Variants in ZNF423 observed in about 807,000 individuals in gnomAD.
ZNF423 encodes zinc finger protein 423, also known as Ebf-associated zinc finger protein.
A neutral mutation model predicts 95.8 loss-of-function variants in ZNF423; 12 were observed. The observed-to-expected ratio is 0.13, with a 90% CI of 0.08 to 0.20. ZNF423 has a LOEUF of 0.20. Among genes scored for constraint, ZNF423 ranks in the 10% least tolerant of loss-of-function variants. ZNF423 has a pLI of 1.00. For missense variants in ZNF423, 1,316 were observed against 1,737.1 expected (o/e 0.76, Z 4.31); for synonymous variants, 749 against 711.9 (o/e 1.05, Z -0.83).
At position 49,719,516 on chromosome 16, in the gene ZNF423, A is replaced by T. The variant is rs543915669; in HGVS notation, c.301+11255T>A. Among the ~76,000 whole-genome samples, 93 of 151,402 alleles carry T rather than the reference A, an allele frequency of 6.1e-4. 1 individual carries two copies. Among genetic ancestry groups the T allele is most frequent in the Non-Finnish European group, 1.1e-3 (74 of 67,750 alleles). ...GGCTCTGTGTCCCCACCCAAATCTC[A>T]TGTGGAATTGTAATTCCCAGTGTTG... On this transcript the variant is annotated intron_variant, in intron 3 of 7. Coordinates refer to ENST00000563137, the MANE Select transcript of ZNF423 (RefSeq NM_001379286.1).
upstream of ZNF423, among the ~76,000 whole-genome samples, chr16:49,856,309 G>A (rs1377917888): frequency 6.8e-6 from 1 of 147,064 alleles, no homozygotes; most frequent in East Asian, 2.0e-4. Context: ...CACGCAGCCC[G>A]GTGCGGAGCT....
chr16:49,761,800 G>T (rs926114086), intron 2 of ZNF423, among the ~76,000 whole-genome samples: 3 of 152,096 alleles, frequency 2.0e-5, no homozygotes, highest in Non-Finnish European at 2.9e-5. Context: ...CTTAATAAGG[G>T]AATGAATACA....
At chr16:49,806,299 G>C (rs980812630) in intron 1 of ZNF423, among the ~76,000 whole-genome samples, 13 of 152,236 alleles carry the variant, frequency 8.5e-5, no homozygotes, top group African/African-American at 3.1e-4. Flanking sequence ...TCAGGAACCT[G>C]ACAGTGGGCA....
Position 49,635,043 on chromosome 16 carries a change from C to T in ZNF423, c.3516+617G>A, listed in dbSNP as rs1428681804. 2.6e-5 allele frequency among the ~76,000 whole-genome samples: 4 copies of T among 152,206 alleles called. No homozygotes were observed. The highest frequency in any genetic ancestry group is 9.6e-5 in the African/African-American group (4 of 41,454). On this transcript the variant is annotated intron_variant, in intron 4 of 7. Coordinates refer to ENST00000563137, the MANE Select transcript of ZNF423 (RefSeq NM_001379286.1). This position sits in a 1 kb window ranked among gnomAD's most constrained non-coding sequence, Gnocchi z 4.8. ...TTAACAATAACAGCAATTGAAACCA[C>T]ATCAAAGGGCCTTCCACATACCAGC...
intron 5 of ZNF423, among the ~76,000 whole-genome samples, chr16:49,615,788 C>T (rs1304623779): frequency 6.6e-6 from 1 of 152,214 alleles, no homozygotes; most frequent in Non-Finnish European, 1.5e-5. Flanking sequence ...GACCTGGCTC[C>T]ACCCAAATGG....
intron 2 of ZNF423, among the ~76,000 whole-genome samples, chr16:49,783,093 G>T (rs533635084): frequency 6.6e-6 from 1 of 151,976 alleles, no homozygotes; most frequent in African/African-American, 2.4e-5. Flanking sequence ...TCAGGATCAC[G>T]CATGATGTTT....
At chr16:49,510,062 C>A (rs560392373) in intron 7 of ZNF423, among the ~76,000 whole-genome samples, 1 of 152,366 alleles carries the variant, frequency 6.6e-6, no homozygotes, top group East Asian at 1.9e-4. Flanking sequence ...CGACATCAAG[C>A]GAGTGGCTTA....
At chr16:49,667,281 A>T (rs1340556220) in intron 3 of ZNF423, among the ~76,000 whole-genome samples, 1 of 152,240 alleles carries the variant, frequency 6.6e-6, no homozygotes, top group African/African-American at 2.4e-5. Flanking sequence ...GGCAAATGAA[A>T]GGTGTGGGCA....
At chr16:49,752,078 C>G (rs563650150) in intron 2 of ZNF423, among the ~76,000 whole-genome samples, 1 of 152,358 alleles carries the variant, frequency 6.6e-6, no homozygotes, top group Non-Finnish European at 1.5e-5. Flanking sequence ...GTGCTCACCC[C>G]CAAATCCAGC....
At chr16:49,794,232 T>C (rs2034463520) in intron 1 of ZNF423, among the ~76,000 whole-genome samples, 1 of 108,074 alleles carries the variant, frequency 9.3e-6, no homozygotes, top group African/African-American at 3.3e-5. Flanking sequence ...TTGTTTTTGT[T>C]TTTGTTTTTT....
At chr16:49,557,412 G>A (rs1387267321) in intron 5 of ZNF423, among the ~76,000 whole-genome samples, 1 of 152,206 alleles carries the variant, frequency 6.6e-6, no homozygotes, top group East Asian at 1.9e-4. Flanking sequence ...CAGCCTGGGT[G>A]GAATGAGAAG....
At position 49,846,358 on chromosome 16, in the gene ZNF423, G is replaced by A. The variant is rs558946994; in HGVS notation, c.40+9377C>T. 2.9e-4 allele frequency among the ~76,000 whole-genome samples: 44 copies of A among 151,396 alleles called. No homozygotes were observed. In the Middle Eastern group the frequency reaches 0.01, roughly 35 times the overall value. On this transcript the variant is annotated intron_variant, in intron 1 of 7. Coordinates refer to ENST00000563137, the MANE Select transcript of ZNF423 (RefSeq NM_001379286.1). ...GCCACAGAGGTAGTGAGCGCCCTGCGAGTGAAAGTGTGTACGTCCAGGCTG... is the reference window on the plus strand; with the variant it reads ...GCCACAGAGGTAGTGAGCGCCCTGCAAGTGAAAGTGTGTACGTCCAGGCTG...
chr16:49,739,483 A>C (rs1367155166), intron 2 of ZNF423, among the ~76,000 whole-genome samples: 1 of 152,130 alleles, frequency 6.6e-6, no homozygotes, highest in East Asian at 1.9e-4. Flanking sequence ...CCTGGGTCCA[A>C]GTGTGAATCC....
chr16:49,834,233 C>T (rs1014894441), intron 1 of ZNF423, among the ~76,000 whole-genome samples: 3 of 152,130 alleles, frequency 2.0e-5, no homozygotes, highest in African/African-American at 2.4e-5. Context: ...CAAGTGACTT[C>T]CTCTCTCGGT....
At chr16:49,827,176 T>C (rs1346996429) in intron 1 of ZNF423, among the ~76,000 whole-genome samples, 1 of 152,068 alleles carries the variant, frequency 6.6e-6, no homozygotes, top group Non-Finnish European at 1.5e-5. Flanking sequence ...CCGGCCCAGG[T>C]CAGCCATCTG....
chr16:49,507,634 CA>C (rs10709810), intron 7 of ZNF423, among the ~76,000 whole-genome samples: 63,251 of 151,942 alleles, frequency 0.42, 13,698 homozygotes, highest in African/African-American at 0.54. Context: ...ACACATTCCA[CA>C]ACTCCCACCA....
chr16:49,540,130 C>A lies in ZNF423; in HGVS notation c.3602-14636G>T, dbSNP rs766128361. Among the ~76,000 whole-genome samples, 33 of 152,230 alleles carry A rather than the reference C, an allele frequency of 2.2e-4. 1 individual carries two copies. The highest frequency in any genetic ancestry group is 8.5e-4 in the Admixed American group (13 of 15,290). On this transcript the variant is annotated intron_variant, in intron 5 of 7. Coordinates refer to ENST00000563137, the MANE Select transcript of ZNF423 (RefSeq NM_001379286.1). ...ACCAAGAGGCAGACACACACATGCA[C>A]AGCCTCTAGAATGCTGGCCTCAGCT... is the stretch of plus-strand genomic sequence containing the variant.
chr16:49,593,221 C>A (rs1352882582), intron 5 of ZNF423, among the ~76,000 whole-genome samples: 1 of 152,030 alleles, frequency 6.6e-6, no homozygotes, highest in Non-Finnish European at 1.5e-5. Context: ...TCACAAGAAG[C>A]CAAGAGTTCA....
chr16:49,858,734 C>T (rs1261150527), upstream of ZNF423, among the ~76,000 whole-genome samples: 1 of 152,070 alleles, frequency 6.6e-6, no homozygotes, highest in African/African-American at 2.4e-5. This position sits in a 1 kb window ranked among gnomAD's most constrained non-coding sequence, Gnocchi z 4.3. Flanking sequence ...CCCCCACGCC[C>T]CCGCGGCCCA....
Sources: gnomAD v4.1 joint callset for allele counts (sites outside exome capture counted in the v4.1 genomes callset) on GRCh38, gnomAD v4.1.1 for gene constraint, Gnocchi (gnomAD v3.1) non-coding constraint, MANE v1.5 for transcripts, NCBI Gene and HGNC (gene_info 2026-07-23, HGNC 2026-07-21) for gene names.